Variants in CTNNA3 observed in about 807,000 individuals in gnomAD.
CTNNA3 encodes catenin alpha 3, also known as catenin alpha-3.
Under a neutral mutation model 95.7 loss-of-function variants are expected in CTNNA3, and 76 were observed. That is an observed-to-expected ratio of 0.79 (90% CI 0.66 to 0.96). CTNNA3 has a LOEUF of 0.96. Ranked by LOEUF, CTNNA3 falls within the 40% of genes least tolerant of loss-of-function variation. The pLI, the probability that CTNNA3 is intolerant of heterozygous loss-of-function variation, is 0.00. For synonymous variants in CTNNA3, 431 were observed against 374.4 expected, an observed-to-expected ratio of 1.15 and a Z score of -1.74; for missense variants, 1,191 against 1,089.8, an observed-to-expected ratio of 1.09 and a Z score of -1.31.
intron 13 of CTNNA3, among the ~76,000 whole-genome samples, chr10:66,233,438 G>T (rs1041767613): frequency 6.6e-6 from 1 of 151,942 alleles, no homozygotes; most frequent in Admixed American, 6.6e-5. Flanking sequence ...TCAGACCAAT[G>T]AATAACATTT....
intron 5 of CTNNA3, among the ~76,000 whole-genome samples, chr10:67,450,916 T>A (rs545569415): frequency 2.0e-5 from 3 of 152,060 alleles, no homozygotes; most frequent in South Asian, 4.1e-4. Context: ...TATATATCTA[T>A]AGATGGCCTT....
intron 10 of CTNNA3, among the ~76,000 whole-genome samples, chr10:66,551,200 T>C (rs1842205162): frequency 6.6e-6 from 1 of 152,132 alleles, no homozygotes; most frequent in African/African-American, 2.4e-5. Context: ...CAATTTTTAT[T>C]TTACCTCCCT....
chr10:66,995,596 C>T (rs1851283072), intron 7 of CTNNA3, among the ~76,000 whole-genome samples: 1 of 152,164 alleles, frequency 6.6e-6, no homozygotes, highest in African/African-American at 2.4e-5. Flanking sequence ...ACATTATTCC[C>T]TGGCTCTTGT....
chr10:66,992,132 C>G (rs1433023306), intron 7 of CTNNA3, among the ~76,000 whole-genome samples: 1 of 152,170 alleles, frequency 6.6e-6, no homozygotes, highest in Non-Finnish European at 1.5e-5. Context: ...AATTTACATT[C>G]CAGCCAGCAG....
chr10:67,673,685 C>A (rs2133555489), intron 1 of CTNNA3, among the ~76,000 whole-genome samples: 1 of 149,538 alleles, frequency 6.7e-6, no homozygotes, highest in East Asian at 2.0e-4. Context: ...GTATGTTGAA[C>A]CAGCCTTGCA....
At chr10:66,121,184 C>T (rs866463624) in intron 13 of CTNNA3, among the ~76,000 whole-genome samples, 2 of 152,134 alleles carry the variant, frequency 1.3e-5, no homozygotes, top group South Asian at 2.1e-4. Flanking sequence ...AACACAGAAG[C>T]TCAAGCATAG....
At chr10:66,492,590 T>C (rs1161805321) in intron 11 of CTNNA3, among the ~76,000 whole-genome samples, 3 of 152,174 alleles carry the variant, frequency 2.0e-5, no homozygotes, top group South Asian at 2.1e-4. Context: ...CAATCACTTA[T>C]ATTTTCCCCA....
chr10:67,581,668 G>A (rs111700629), intron 3 of CTNNA3, among the ~76,000 whole-genome samples: 10 of 152,240 alleles, frequency 6.6e-5, no homozygotes, highest in Admixed American at 1.3e-4. Flanking sequence ...GGTAGAATTC[G>A]GCTGTGAATC....
At chr10:66,350,429 C>A (rs2092557941) in intron 12 of CTNNA3, among the ~76,000 whole-genome samples, 1 of 151,988 alleles carries the variant, frequency 6.6e-6, no homozygotes, top group Non-Finnish European at 1.5e-5. Context: ...GAAATATGTT[C>A]TTTTCCCAAT....
At chr10:66,131,815 T>A (rs2083118183) in intron 13 of CTNNA3, among the ~76,000 whole-genome samples, 1 of 152,138 alleles carries the variant, frequency 6.6e-6, no homozygotes, top group African/African-American at 2.4e-5. Context: ...GACTCCCTAT[T>A]CAATAAAAGG....
chr10:66,044,846 T>G (rs1466945603), intron 15 of CTNNA3, among the ~76,000 whole-genome samples: 2 of 152,248 alleles, frequency 1.3e-5, no homozygotes, highest in African/African-American at 2.4e-5. Flanking sequence ...ACATTTTATA[T>G]GCATTATTAT....
At chr10:67,598,642 G>A (rs1159223049) in intron 3 of CTNNA3, among the ~76,000 whole-genome samples, 1 of 152,084 alleles carries the variant, frequency 6.6e-6, no homozygotes, top group African/African-American at 2.4e-5. Context: ...AAAGAAACTG[G>A]AGAGAATTTG....
chr10:66,255,225 G>C (rs549642223), intron 13 of CTNNA3, among the ~76,000 whole-genome samples: 133 of 152,296 alleles, frequency 8.7e-4, no homozygotes, highest in Non-Finnish European at 1.8e-3. Flanking sequence ...GCAAGGGTAG[G>C]CCCTCTATCC....
chr10:66,876,643 A>AT lies in CTNNA3; in HGVS notation c.1048-101120dup, dbSNP rs918164107. On this transcript the variant is annotated intron_variant, in intron 7 of 17. Coordinates refer to ENST00000433211, the MANE Select transcript of CTNNA3 (RefSeq NM_013266.4). The stretch of plus-strand genomic sequence containing the variant: ...TGATTGAAATCTGGGCCTTATTAGA[A>AT]TTTTTTTTTAAATTAGAGAAATTCT... Among the ~76,000 whole-genome samples, 8 of 151,764 alleles carry AT rather than the reference A, an allele frequency of 5.3e-5. No individual in the cohort carries two copies. The East Asian group carries it at 5.8e-4, about 11-fold the overall frequency.
chr10:66,380,783 T>G (rs2092832554), intron 11 of CTNNA3, among the ~76,000 whole-genome samples: 1 of 151,982 alleles, frequency 6.6e-6, no homozygotes, highest in South Asian at 2.1e-4. Context: ...TGTGTGTGTT[T>G]TAAAGAAATA....
chr10:66,673,749 A>T lies in CTNNA3; in HGVS notation c.1282-51965T>A, dbSNP rs530877351. Among the ~76,000 whole-genome samples, 3 of 152,184 alleles carry T rather than the reference A, an allele frequency of 2.0e-5. No homozygotes were observed. In the East Asian group the frequency reaches 5.8e-4, roughly 29 times the overall value. Reference sequence around the variant, plus strand: ...ATTATATTCATCATTTCAAAGAAACATCAAAAGACATCTGAATAAAATAAA... The same window carrying T: ...ATTATATTCATCATTTCAAAGAAACTTCAAAAGACATCTGAATAAAATAAA... On this transcript the variant is annotated intron_variant, in intron 9 of 17. Transcript: ENST00000433211.
At chr10:66,384,203 C>A (rs972394054) in intron 11 of CTNNA3, among the ~76,000 whole-genome samples, 3 of 152,000 alleles carry the variant, frequency 2.0e-5, no homozygotes, top group South Asian at 2.1e-4. Context: ...AGGAGACCCA[C>A]CTCATGTGCA....
intron 13 of CTNNA3, among the ~76,000 whole-genome samples, chr10:66,185,163 T>C (rs2086263839): frequency 6.6e-6 from 1 of 152,184 alleles, no homozygotes; most frequent in Admixed American, 6.5e-5. Context: ...AGAAACAATG[T>C]ACTAAACAAT....
At chr10:67,008,504 T>C (rs1852137069) in intron 7 of CTNNA3, among the ~76,000 whole-genome samples, 1 of 152,200 alleles carries the variant, frequency 6.6e-6, no homozygotes, top group South Asian at 2.1e-4. Context: ...TTCAATTTTT[T>C]TTTACTTATA....
Sources: gnomAD v4.1 joint callset for allele counts (sites outside exome capture counted in the v4.1 genomes callset) on GRCh38, gnomAD v4.1.1 for gene constraint, MANE v1.5 for transcripts, NCBI Gene and HGNC (gene_info 2026-07-23, HGNC 2026-07-21) for gene names.